Variants in GALNT10 observed in about 807,000 individuals in gnomAD.
The protein encoded by GALNT10 is GalNAc transferase 10.
GALNT10 carries 41 observed loss-of-function variants against 75.0 expected under a neutral mutation model. The ratio of observed to expected loss-of-function variants is 0.55; its 90% confidence interval spans 0.43 to 0.71. The LOEUF is 0.71. GALNT10 is among the 30% of genes least tolerant of loss of function. GALNT10 has a pLI of 0.00. For missense variants in GALNT10, 727 were observed against 818.5 expected (o/e 0.89, Z 1.36); for synonymous variants, 302 against 313.0 (o/e 0.96, Z 0.37).
chr5:154,371,413 C>T (rs1225443801), intron 4 of GALNT10, among the ~76,000 whole-genome samples: 1 of 152,092 alleles, frequency 6.6e-6, no homozygotes, highest in Non-Finnish European at 1.5e-5. Context: ...ACAACTCCTC[C>T]TTATGCCACA....
chr5:154,293,609 A>ATTTTTTTTTTTTTTTTTTTTT (rs1466080479), intron 1 of GALNT10, among the ~76,000 whole-genome samples: 15 of 122,780 alleles, frequency 1.2e-4, no homozygotes, highest in Non-Finnish European at 1.8e-4. Flanking sequence ...ATATATATAT[A>ATTTTTTTTTTTTTTTTTTTTT]TATATTTTTT....
chr5:154,224,063 T>A (rs971930961), intron 1 of GALNT10, among the ~76,000 whole-genome samples: 10 of 152,230 alleles, frequency 6.6e-5, no homozygotes, highest in African/African-American at 2.4e-4. Flanking sequence ...AAAAGGCGAT[T>A]AAAATCTATT....
intron 7 of GALNT10, among the ~76,000 whole-genome samples, chr5:154,401,579 G>A (rs1035781984): frequency 2.0e-5 from 3 of 152,136 alleles, no homozygotes; most frequent in Non-Finnish European, 2.9e-5. Flanking sequence ...CCATTATCTC[G>A]AGACCAATGT....
At chr5:154,373,989 G>A (rs367928160) in intron 4 of GALNT10, among the ~76,000 whole-genome samples, 16 of 152,130 alleles carry the variant, frequency 1.1e-4, no homozygotes, top group African/African-American at 2.7e-4. Context: ...TCTCATTCTC[G>A]TTGTAATGAC....
chr5:154,224,681 G>T (rs1753033495), intron 1 of GALNT10, among the ~76,000 whole-genome samples: 1 of 151,972 alleles, frequency 6.6e-6, no homozygotes, highest in Non-Finnish European at 1.5e-5. Flanking sequence ...TGATATTTAT[G>T]GAGTATCTAA....
rs542418638 is a variant in GALNT10, at chr5:154,418,567, C to T, written c.*1595C>T. The T allele has an allele frequency of 6.6e-6, 1 of 152,300 alleles. No homozygotes were observed. Among genetic ancestry groups the T allele is most frequent in the East Asian group, 1.9e-4 (1 of 5,178 alleles). 9.4% of individuals were successfully genotyped at this position (152,300 alleles called of 1,614,324 possible). On this transcript the variant is annotated 3_prime_UTR_variant, in exon 12 of 12. Transcript: ENST00000297107. ...TTGAGTCTCTTGATTGTGTCATTTA[C>T]CAATTAAATAACTGAGACCTAAGTC...
At chr5:154,411,575 C>T (rs1204130663) in intron 9 of GALNT10, among the ~76,000 whole-genome samples, 1 of 152,212 alleles carries the variant, frequency 6.6e-6, no homozygotes, top group African/African-American at 2.4e-5. Flanking sequence ...GGTGGGCTGG[C>T]AGGAACACCA....
chr5:154,233,791 G>A (rs1274037480), intron 1 of GALNT10, among the ~76,000 whole-genome samples: 1 of 152,234 alleles, frequency 6.6e-6, no homozygotes, highest in Admixed American at 6.5e-5. Context: ...GTCTTGCTGG[G>A]AGACTGTAAT....
At position 154,191,021 on chromosome 5, in the gene GALNT10, G is replaced by T. The variant is rs774055519; in HGVS notation, c.155G>T (p.Gly52Val). The change falls in exon 1 of 12, where the codon GGA becomes GTA. Residue 52 changes from glycine (G) to valine (V), a missense_variant. Gly to Val is a moderately radical substitution (Grantham distance 109). Transcript: ENST00000297107. ...GSGAAVAPAA[G>V]QGSHSRQKKT... is the part of the protein sequence containing the mutation. ...GGGGCGGCGGTGGCGCCGGCGGCGG[G>T]ACAGGTGAGTCCCCCCGTTGCTACA... The T allele has an allele frequency of 4.2e-6, 6 of 1,442,322 alleles. No individual in the cohort carries two copies. In the South Asian group the frequency reaches 5.4e-5, roughly 13 times the overall value. 89.3% of individuals were successfully genotyped at this position (1,442,322 alleles called of 1,614,324 possible).
intron 4 of GALNT10, chr5:154,337,754 A>G: frequency 1.7e-6 from 2 of 1,182,370 alleles, no homozygotes; most frequent in Non-Finnish European, 2.5e-6. Flanking sequence ...CAAAGCCACC[A>G]CAACCACTGA....
chr5:154,363,154 G>A (rs1432858806), intron 4 of GALNT10, among the ~76,000 whole-genome samples: 1 of 152,114 alleles, frequency 6.6e-6, no homozygotes, highest in African/African-American at 2.4e-5. Flanking sequence ...GACAAAACAG[G>A]TTTCAGAAGA....
At chr5:154,244,719 G>A (rs1326216188) in intron 1 of GALNT10, among the ~76,000 whole-genome samples, 1 of 152,248 alleles carries the variant, frequency 6.6e-6, no homozygotes, top group Non-Finnish European at 1.5e-5. Context: ...AGCAAAGGCA[G>A]CAGCCAGAGA....
chr5:154,385,664 C>T (rs1443495588), intron 6 of GALNT10, among the ~76,000 whole-genome samples: 1 of 152,184 alleles, frequency 6.6e-6, no homozygotes, highest in Non-Finnish European at 1.5e-5. Flanking sequence ...TCCAGCACCT[C>T]CCTCACAACT....
intron 3 of GALNT10, among the ~76,000 whole-genome samples, chr5:154,301,634 T>C (rs1282787775): frequency 6.6e-6 from 1 of 151,690 alleles, no homozygotes; most frequent in Non-Finnish European, 1.5e-5. Context: ...GCTCAAGTGA[T>C]CCTCTTGCCT....
intron 7 of GALNT10, among the ~76,000 whole-genome samples, chr5:154,397,182 C>A (rs1341737062): frequency 7.9e-6 from 1 of 127,248 alleles, no homozygotes; most frequent in African/African-American, 3.6e-5. Context: ...TAAAGTTGTT[C>A]TTTTCTACTT....
intron 4 of GALNT10, among the ~76,000 whole-genome samples, chr5:154,330,551 C>T (rs2113118866): frequency 6.6e-6 from 1 of 152,302 alleles, no homozygotes; most frequent in East Asian, 1.9e-4. Context: ...ATCTTAGCTA[C>T]ATCCAGAGCC....
At chr5:154,335,329 T>C (rs1754927775) in intron 4 of GALNT10, among the ~76,000 whole-genome samples, 1 of 151,976 alleles carries the variant, frequency 6.6e-6, no homozygotes, top group Non-Finnish European at 1.5e-5. Context: ...CTAGAGGAGG[T>C]AAGGGGCAGT....
At chr5:154,275,909 G>A (rs1753944359) in intron 1 of GALNT10, among the ~76,000 whole-genome samples, 1 of 152,208 alleles carries the variant, frequency 6.6e-6, no homozygotes. Flanking sequence ...GCAGAGGATG[G>A]AAATTCCATC....
At chr5:154,290,717 C>T (rs1234331392) in intron 1 of GALNT10, among the ~76,000 whole-genome samples, 1 of 152,176 alleles carries the variant, frequency 6.6e-6, no homozygotes. Flanking sequence ...TCCTGTAGCT[C>T]ATGCAAGGTC....
Sources: allele counts gnomAD v4.1 joint callset (sites outside exome capture counted in the v4.1 genomes callset), GRCh38; gene constraint gnomAD v4.1.1; transcripts MANE v1.5; gene names NCBI Gene and HGNC (gene_info 2026-07-23, HGNC 2026-07-21).